PALM2AKAP2: variants seen among roughly 807,000 people sequenced by gnomAD.
PALM2AKAP2 encodes the protein PALM2-AKAP2 fusion protein.
Under a neutral mutation model 71.5 loss-of-function variants are expected in PALM2AKAP2, and 37 were observed. That is an observed-to-expected ratio of 0.52 (90% CI 0.40 to 0.68). The LOEUF (loss-of-function observed/expected upper bound fraction) is 0.68. Ranked by LOEUF, PALM2AKAP2 falls within the 30% of genes least tolerant of loss-of-function variation. The probability of loss-of-function intolerance (pLI) is 0.00; values close to 1 mark genes in which losing one functional copy is unlikely to be tolerated. For synonymous variants in PALM2AKAP2, 468 were observed against 478.8 expected, an observed-to-expected ratio of 0.98 and a Z score of 0.29; for missense variants, 1,224 against 1,191.8, an observed-to-expected ratio of 1.03 and a Z score of -0.40.
intron 1 of PALM2AKAP2, among the ~76,000 whole-genome samples, chr9:110,058,132 A>T (rs1833885783): frequency 6.6e-6 from 1 of 152,188 alleles, no homozygotes; most frequent in African/African-American, 2.4e-5. Flanking sequence ...AATTGTCTAG[A>T]TGTAGAATTC....
intron 1 of PALM2AKAP2, among the ~76,000 whole-genome samples, chr9:109,852,966 T>C (rs1829061639): frequency 6.6e-6 from 1 of 152,176 alleles, no homozygotes; most frequent in Non-Finnish European, 1.5e-5. Flanking sequence ...TTTTCTCCCA[T>C]TCTGTAGGTT....
chr9:110,056,237 C>T (rs185465157), intron 1 of PALM2AKAP2, among the ~76,000 whole-genome samples: 30 of 152,302 alleles, frequency 2.0e-4, no homozygotes, highest in Admixed American at 8.5e-4. Context: ...GTTTTCAGCC[C>T]GCCTCCCAGT....
intron 7 of PALM2AKAP2, among the ~76,000 whole-genome samples, chr9:110,040,545 G>T (rs1384695073): frequency 6.6e-6 from 1 of 151,948 alleles, no homozygotes; most frequent in Non-Finnish European, 1.5e-5. Flanking sequence ...CTCAAGATTT[G>T]GTCTTTTTCC....
At chr9:110,139,043 T>C (rs1370270734) in intron 2 of PALM2AKAP2, among the ~76,000 whole-genome samples, 1 of 152,234 alleles carries the variant, frequency 6.6e-6, no homozygotes, top group African/African-American at 2.4e-5. Flanking sequence ...GACTGGTCCA[T>C]GCAAAATGCT....
At chr9:109,730,628 A>G (rs1828543977) in intron 1 of PALM2AKAP2, among the ~76,000 whole-genome samples, 1 of 152,230 alleles carries the variant, frequency 6.6e-6, no homozygotes, top group Non-Finnish European at 1.5e-5. Context: ...GGCTTAAGAA[A>G]TCTAAGACAA....
chr9:110,091,474 T>TTTTTTTG (rs1834708205), intron 1 of PALM2AKAP2, among the ~76,000 whole-genome samples: 1 of 142,154 alleles, frequency 7.0e-6, no homozygotes, highest in Non-Finnish European at 1.5e-5. Context: ...TTTTTTTTTT[T>TTTTTTTG]TTTTTTGAGA....
intron 2 of PALM2AKAP2, among the ~76,000 whole-genome samples, chr9:109,871,561 C>T (rs571289783): frequency 6.6e-5 from 10 of 152,208 alleles, no homozygotes; most frequent in Admixed American, 6.5e-4. Context: ...AACATATGTA[C>T]TCTATACTTA....
chr9:109,724,192 G>A (rs1354114230), intron 1 of PALM2AKAP2, among the ~76,000 whole-genome samples: 1 of 152,068 alleles, frequency 6.6e-6, no homozygotes, highest in East Asian at 1.9e-4. Flanking sequence ...TGTGCAAGAT[G>A]TACATCTTTA....
chr9:109,954,190 G>A (rs190400478), intron 6 of PALM2AKAP2, among the ~76,000 whole-genome samples: 4 of 152,280 alleles, frequency 2.6e-5, no homozygotes, highest in African/African-American at 4.8e-5. Context: ...GGAGTGGCAC[G>A]TCAGTCTCTG....
At chr9:110,169,612 T>C (rs2050942103) in exon 4 of PALM2AKAP2, 1 of 151,854 alleles carries the variant, frequency 6.6e-6, no homozygotes, top group South Asian at 2.1e-4. Context: ...GGAGAAAGAA[T>C]GGGAATAAAA....
At chr9:109,765,398 G>A (rs1829132371) in intron 1 of PALM2AKAP2, 1 of 152,738 alleles carries the variant, frequency 6.5e-6, no homozygotes, top group Non-Finnish European at 1.5e-5. Flanking sequence ...ACATGTAAGT[G>A]CTCAGTAATG....
At chr9:109,760,772 A>G (rs1253321622) in intron 1 of PALM2AKAP2, among the ~76,000 whole-genome samples, 2 of 152,210 alleles carry the variant, frequency 1.3e-5, no homozygotes, top group African/African-American at 4.8e-5. Context: ...TCACGAAACA[A>G]GTATCTGTCC....
chr9:110,051,906 C>CT (rs35443425), intron 1 of PALM2AKAP2, among the ~76,000 whole-genome samples: 2,642 of 143,366 alleles, frequency 0.018, 26 homozygotes, highest in Middle Eastern at 0.033. Flanking sequence ...AAATTGCACC[C>CT]TTTTTTTTTT....
intron 1 of PALM2AKAP2, among the ~76,000 whole-genome samples, chr9:110,065,515 C>T (rs1367076299): frequency 2.0e-5 from 3 of 152,182 alleles, no homozygotes; most frequent in Non-Finnish European, 4.4e-5. Flanking sequence ...TGTGAGCCAT[C>T]GTGCCTGCCC....
At chr9:109,854,188 C>A (rs1440021425) in intron 1 of PALM2AKAP2, among the ~76,000 whole-genome samples, 1 of 152,236 alleles carries the variant, frequency 6.6e-6, no homozygotes, top group Non-Finnish European at 1.5e-5. Context: ...ATCAGAGCCA[C>A]TTCCCTGTCC....
intron 1 of PALM2AKAP2, among the ~76,000 whole-genome samples, chr9:110,127,487 G>C (rs970065590): frequency 2.0e-5 from 3 of 152,130 alleles, no homozygotes; most frequent in Non-Finnish European, 4.4e-5. Flanking sequence ...CTGCTCGGGG[G>C]ATGGAAGAGG....
chr9:110,021,095 G>A (rs932480727), intron 7 of PALM2AKAP2, among the ~76,000 whole-genome samples: 2 of 152,218 alleles, frequency 1.3e-5, no homozygotes, highest in Admixed American at 1.3e-4. Flanking sequence ...GACAGAGTGA[G>A]ACTCTGTCTC....
chr9:109,760,444 G>A (rs1219568806), intron 1 of PALM2AKAP2: 2 of 152,142 alleles, frequency 1.3e-5, no homozygotes, highest in Admixed American at 6.5e-5. Flanking sequence ...TCATCTTCAC[G>A]ATAACTTTAC....
intron 6 of PALM2AKAP2, among the ~76,000 whole-genome samples, chr9:109,952,349 G>T (rs1406237846): frequency 6.6e-6 from 1 of 152,212 alleles, no homozygotes; most frequent in Admixed American, 6.5e-5. Flanking sequence ...GAGTAGATAT[G>T]ATGCCTACCA....
Sources: gnomAD v4.1 joint callset for allele counts (sites outside exome capture counted in the v4.1 genomes callset) on GRCh38, gnomAD v4.1.1 for gene constraint, MANE v1.5 for transcripts, NCBI Gene and HGNC (gene_info 2026-07-23, HGNC 2026-07-21) for gene names.